SAMD12: variants seen among roughly 807,000 people sequenced by gnomAD.
SAMD12 encodes sterile alpha motif domain containing 12.
Under a neutral mutation model 15.0 loss-of-function variants are expected in SAMD12, and 9 were observed. That is an observed-to-expected ratio of 0.60 (90% CI 0.36 to 1.05). The LOEUF is 1.05. Ranked by LOEUF, SAMD12 falls within the 50% of genes least tolerant of loss-of-function variation. SAMD12 has a pLI of 0.01. For synonymous variants in SAMD12, 86 were observed against 90.1 expected, an observed-to-expected ratio of 0.96 and a Z score of 0.25; for missense variants, 230 against 234.2, an observed-to-expected ratio of 0.98 and a Z score of 0.12.
intron 1 of SAMD12, among the ~76,000 whole-genome samples, chr8:118,587,174 T>C (rs1827472983): frequency 6.6e-6 from 1 of 152,196 alleles, no homozygotes; most frequent in Admixed American, 6.5e-5. Context: ...GATAGGTTAT[T>C]TCAAATTTCA....
the SAMD12 span, among the ~76,000 whole-genome samples, chr8:118,174,454 T>C: frequency 1.3e-5 from 2 of 152,178 alleles, no homozygotes; most frequent in East Asian, 3.9e-4. Flanking sequence ...GTCAAGTGTA[T>C]CTGCGTGGGC....
chr8:118,402,963 A>G (rs553816541), intron 3 of SAMD12, among the ~76,000 whole-genome samples: 2 of 152,236 alleles, frequency 1.3e-5, no homozygotes. Context: ...GCCAGCCAGA[A>G]TACATAGTGA....
At chr8:118,575,077 A>G (rs1048971941) in intron 2 of SAMD12, among the ~76,000 whole-genome samples, 3 of 152,176 alleles carry the variant, frequency 2.0e-5, no homozygotes, top group African/African-American at 7.2e-5. Flanking sequence ...AAATGTCCAC[A>G]AGTTGCCCTG....
chr8:118,512,048 T>C (rs1586776339), intron 2 of SAMD12, among the ~76,000 whole-genome samples: 1 of 152,196 alleles, frequency 6.6e-6, no homozygotes, highest in East Asian at 1.9e-4. Context: ...AAGAACATTT[T>C]TTTTTTCACC....
chr8:118,375,193 C>T (rs529643525), downstream of SAMD12, among the ~76,000 whole-genome samples: 3 of 152,110 alleles, frequency 2.0e-5, no homozygotes, highest in Non-Finnish European at 4.4e-5. Context: ...CATTTAACAA[C>T]CACCTGGAGA....
At chr8:118,318,353 T>TACAC (rs1491310320) in intron 4 of SAMD12, among the ~76,000 whole-genome samples, 33 of 87,836 alleles carry the variant, frequency 3.8e-4, no homozygotes, top group South Asian at 3.4e-3. Flanking sequence ...TATATATATA[T>TACAC]ATACATATAT....
chr8:118,143,337 T>A, the SAMD12 span, among the ~76,000 whole-genome samples: 9 of 152,186 alleles, frequency 5.9e-5, no homozygotes, highest in Non-Finnish European at 1.3e-4. Context: ...GTAAAAAAAA[T>A]TCACTAAGGA....
chr8:118,618,610 C>A (rs1191520100), intron 1 of SAMD12, among the ~76,000 whole-genome samples: 1 of 151,956 alleles, frequency 6.6e-6, no homozygotes, highest in Non-Finnish European at 1.5e-5. Context: ...GAGGCCGAGG[C>A]GGGCGGATCA....
At chr8:118,349,835 C>G (rs1817866509) in intron 4 of SAMD12, among the ~76,000 whole-genome samples, 2 of 152,268 alleles carry the variant, frequency 1.3e-5, no homozygotes, top group South Asian at 4.1e-4. Context: ...TGGATAATAA[C>G]AAGAGCCACC....
At chr8:118,339,262 G>A (rs1817229498) in intron 4 of SAMD12, among the ~76,000 whole-genome samples, 1 of 152,118 alleles carries the variant, frequency 6.6e-6, no homozygotes. Flanking sequence ...CTGGGGAGGT[G>A]AGGGCTGTAG....
intron 2 of SAMD12, among the ~76,000 whole-genome samples, chr8:118,469,709 C>T (rs987068323): frequency 4.1e-5 from 6 of 146,096 alleles, no homozygotes; most frequent in Non-Finnish European, 7.5e-5. Flanking sequence ...ATTATAGGCG[C>T]GTGCCACCAC....
At position 118,452,680 on chromosome 8, in the gene SAMD12, C is replaced by A. The variant is rs534443354; in HGVS notation, c.193-12719G>T. ...ACTTTTTATCCTGTTTATTTCTAAC[C>A]CTTTTGTTGATATAAAAGAAAGTAT... On this transcript the variant is annotated intron_variant, in intron 2 of 3. Coordinates refer to ENST00000314727, the MANE Select transcript of SAMD12 (RefSeq NM_207506.3). Among the ~76,000 whole-genome samples the A allele has an allele frequency of 9.5e-4, 144 of 152,138 alleles. 2 individuals carry two copies. The highest frequency in any genetic ancestry group is 9.3e-4 in the Non-Finnish European group (63 of 67,996).
the SAMD12 span, among the ~76,000 whole-genome samples, chr8:118,148,312 C>T: frequency 3.3e-5 from 5 of 152,112 alleles, no homozygotes; most frequent in African/African-American, 1.2e-4. Context: ...GATCCTCCTG[C>T]CTCAGCCTCA....
chr8:118,181,508 G>A, the SAMD12 span, among the ~76,000 whole-genome samples: 13 of 152,324 alleles, frequency 8.5e-5, no homozygotes, highest in Non-Finnish European at 1.5e-4. Flanking sequence ...ATTGGGCCAA[G>A]GTGTAGCATG....
chr8:118,427,642 T>C (rs1373181083), intron 3 of SAMD12, among the ~76,000 whole-genome samples: 1 of 152,184 alleles, frequency 6.6e-6, no homozygotes, highest in Non-Finnish European at 1.5e-5. Context: ...CTTTTTATAG[T>C]TGAGTAGAGG....
chr8:118,247,037 T>C (rs1812712316), intron 4 of SAMD12, among the ~76,000 whole-genome samples: 1 of 152,018 alleles, frequency 6.6e-6, no homozygotes, highest in African/African-American at 2.4e-5. Context: ...TATGGCTGAA[T>C]ATGGAGGATA....
chr8:118,291,673 G>T (rs372686722), intron 4 of SAMD12, among the ~76,000 whole-genome samples: 1 of 151,540 alleles, frequency 6.6e-6, no homozygotes, highest in Non-Finnish European at 1.5e-5. Flanking sequence ...TATTTAGTTC[G>T]CAGAAAAATC....
chr8:118,553,909 G>A (rs1826432995), intron 2 of SAMD12, among the ~76,000 whole-genome samples: 1 of 151,366 alleles, frequency 6.6e-6, no homozygotes, highest in Admixed American at 6.6e-5. Flanking sequence ...AGACATTTAT[G>A]CAGCCAAAAA....
chr8:118,334,434 G>C (rs1013016180), intron 4 of SAMD12, among the ~76,000 whole-genome samples: 1 of 152,106 alleles, frequency 6.6e-6, no homozygotes, highest in African/African-American at 2.4e-5. Context: ...ATATGTAGGA[G>C]ATTCATCACA....
Sources: gnomAD v4.1 joint callset for allele counts (sites outside exome capture counted in the v4.1 genomes callset) on GRCh38, gnomAD v4.1.1 for gene constraint, MANE v1.5 for transcripts, NCBI Gene and HGNC (gene_info 2026-07-23, HGNC 2026-07-21) for gene names.